The following INSYN2B variants were observed in gnomAD, a reference collection of about 807,000 sequenced individuals.
INSYN2B encodes the protein inhibitory synaptic factor family member 2B.
A neutral mutation model predicts 41.2 loss-of-function variants in INSYN2B; 16 were observed. The ratio of observed to expected loss-of-function variants is 0.39; its 90% CI spans 0.26 to 0.59. The LOEUF (loss-of-function observed/expected upper bound fraction) is 0.59. Among genes scored for constraint, INSYN2B ranks in the 20% least tolerant of loss-of-function variants. The pLI is 0.57. For missense variants in INSYN2B, 608 were observed against 646.4 expected, an observed-to-expected ratio of 0.94 and a Z score of 0.64; for synonymous variants, 245 against 244.4, an observed-to-expected ratio of 1.00 and a Z score of -0.02.
chr5:169,901,958 A>G (rs1386238736), intron 1 of INSYN2B, among the ~76,000 whole-genome samples: 1 of 152,204 alleles, frequency 6.6e-6, no homozygotes, highest in African/African-American at 2.4e-5. Flanking sequence ...AGTTTGGAGC[A>G]TGAGTGGTGT....
chr5:169,954,528 G>A (rs1167066071), intron 1 of INSYN2B, among the ~76,000 whole-genome samples: 1 of 152,226 alleles, frequency 6.6e-6, no homozygotes, highest in Non-Finnish European at 1.5e-5. Context: ...TGAAGCTGTG[G>A]TTCAGCAGAA....
intron 1 of INSYN2B, among the ~76,000 whole-genome samples, chr5:169,914,863 A>G (rs923923538): frequency 6.6e-6 from 1 of 152,244 alleles, no homozygotes; most frequent in Admixed American, 6.5e-5. Context: ...TAAATGATCT[A>G]CAAAGTCCCT....
At chr5:169,871,188 G>A (rs1771945850) in intron 3 of INSYN2B, among the ~76,000 whole-genome samples, 1 of 152,148 alleles carries the variant, frequency 6.6e-6, no homozygotes, top group Non-Finnish European at 1.5e-5. Flanking sequence ...ATCTGAATTT[G>A]AAGGGTACAC....
At chr5:169,865,766 A>G (rs1194154289) in intron 3 of INSYN2B, among the ~76,000 whole-genome samples, 2 of 152,220 alleles carry the variant, frequency 1.3e-5, no homozygotes, top group African/African-American at 2.4e-5. Flanking sequence ...GAAATGTTGC[A>G]TCTGGGAGAC....
chr5:169,969,300 C>A (rs1443863126), intron 1 of INSYN2B, among the ~76,000 whole-genome samples: 1 of 151,956 alleles, frequency 6.6e-6, no homozygotes, highest in East Asian at 1.9e-4. Flanking sequence ...CAAAAATTAG[C>A]TGGGTGTGGT....
At chr5:169,895,287 C>G (rs571180261) in intron 1 of INSYN2B, among the ~76,000 whole-genome samples, 1 of 152,320 alleles carries the variant, frequency 6.6e-6, no homozygotes, top group South Asian at 2.1e-4. Flanking sequence ...CCCTTCCTTT[C>G]TCTCCCTCCT....
rs1181405235 is a variant in INSYN2B, at chr5:169,936,567, T to C, written c.-919+43710A>G. Among the ~76,000 whole-genome samples the C allele has an allele frequency of 2.0e-5, 3 of 149,830 alleles. No homozygotes were observed. In the East Asian group the frequency reaches 5.9e-4, roughly 29 times the overall value. On this transcript the variant is annotated intron_variant, in intron 1 of 3. Coordinates refer to ENST00000377365, the MANE Select transcript of INSYN2B (RefSeq NM_001129891.3). ...GCATGTTGGGGAGAATCATTGGTGA[T>C]TCTCAGACTCCTTTTTTTTTTTTTT...
intron 1 of INSYN2B, among the ~76,000 whole-genome samples, chr5:169,946,447 G>A (rs564665146): frequency 3.7e-4 from 56 of 152,356 alleles, no homozygotes; most frequent in Middle Eastern, 3.4e-3. Flanking sequence ...TGGGAGGAAA[G>A]GGCAGGAGTG....
At chr5:169,901,432 T>G (rs1034052479) in intron 1 of INSYN2B, among the ~76,000 whole-genome samples, 11 of 152,110 alleles carry the variant, frequency 7.2e-5, no homozygotes, top group African/African-American at 1.9e-4. Flanking sequence ...TGTGTGTGTG[T>G]GGGCATGCAT....
chr5:169,955,218 G>T (rs1453537607), intron 1 of INSYN2B, among the ~76,000 whole-genome samples: 1 of 152,208 alleles, frequency 6.6e-6, no homozygotes, highest in Non-Finnish European at 1.5e-5. Flanking sequence ...GAGTGGTCCT[G>T]CAGGAGAAGG....
chr5:169,884,000 A>G lies in INSYN2B; in HGVS notation c.-102T>C. 4 of 1,176,934 alleles carry G rather than the reference A, an allele frequency of 3.4e-6. No homozygotes were observed. Among genetic ancestry groups the G allele is most frequent in the Non-Finnish European group, 4.5e-6 (4 of 882,242 alleles). 72.9% of individuals were successfully genotyped at this position (1,176,934 alleles called of 1,614,324 possible). On this transcript the variant is annotated 5_prime_UTR_variant, in exon 2 of 4. Coordinates refer to ENST00000377365, the MANE Select transcript of INSYN2B (RefSeq NM_001129891.3). ...AATGATAGTATTTCAATCATAGAGA[A>G]CTGCTGGCCAGGATGGAGTGGTCCT...
intron 1 of INSYN2B, among the ~76,000 whole-genome samples, chr5:169,934,166 G>C (rs956972983): frequency 2.0e-5 from 3 of 152,174 alleles, no homozygotes; most frequent in African/African-American, 7.2e-5. Flanking sequence ...GGGGTTGGCA[G>C]TAATCAGGTA....
chr5:169,902,958 T>C lies in INSYN2B; in HGVS notation c.-918-18142A>G, dbSNP rs554014316. Among the ~76,000 whole-genome samples the C allele has an allele frequency of 1.3e-4, 20 of 151,994 alleles. No homozygotes were observed. In the South Asian group the frequency reaches 2.9e-3, roughly 22 times the overall value. On this transcript the variant is annotated intron_variant, in intron 1 of 3. Coordinates refer to ENST00000377365, the MANE Select transcript of INSYN2B (RefSeq NM_001129891.3). ...ACTAAAAATACAAAAATTAGCTGGG[T>C]GTGGTGGCACATGCCTGTAGTCCCA... is the stretch of plus-strand genomic sequence containing the variant.
At position 169,883,611 on chromosome 5, in the gene INSYN2B, T is replaced by C; in HGVS notation, c.288A>G (p.Ala96=). The C allele has an allele frequency of 6.4e-7, 1 of 1,551,620 alleles. No individual in the cohort carries two copies. Among genetic ancestry groups the C allele is most frequent in the Non-Finnish European group, 8.7e-7 (1 of 1,146,954 alleles). The part of the protein sequence containing the change: ...SQKAGGFRNI[A]IQTSPSLRKH... The stretch of plus-strand genomic sequence containing the variant: ...TCCTGAGACTGGGGGAAGTTTGGAT[T>C]GCAATGTTGCGAAAGCCCCCTGCCT... Residue 96 remains alanine, a synonymous_variant, in exon 2 of 4, where the codon GCA becomes GCG. Transcript: ENST00000377365.
At chr5:169,948,863 C>A (rs1776549110) in intron 1 of INSYN2B, among the ~76,000 whole-genome samples, 1 of 152,034 alleles carries the variant, frequency 6.6e-6, no homozygotes, top group Non-Finnish European at 1.5e-5. Flanking sequence ...CAGTGACTGG[C>A]ACCTGGTCAT....
chr5:169,952,778 C>G (rs1370440347), intron 1 of INSYN2B, among the ~76,000 whole-genome samples: 3 of 152,110 alleles, frequency 2.0e-5, no homozygotes, highest in Admixed American at 6.5e-5. Context: ...CCGTTTCAAT[C>G]CAGGGTACAG....
At chr5:169,934,150 C>A (rs1330192312) in intron 1 of INSYN2B, among the ~76,000 whole-genome samples, 1 of 152,110 alleles carries the variant, frequency 6.6e-6, no homozygotes, top group Non-Finnish European at 1.5e-5. Flanking sequence ...TGAGTGTTCC[C>A]AATTAGGGGT....
chr5:169,875,585 G>A lies in INSYN2B; in HGVS notation c.1421+5783C>T, dbSNP rs555430856. On this transcript the variant is annotated intron_variant, in intron 3 of 3. Transcript: ENST00000377365. ...TCCAGAATAATTGTGCAAGTGCCTC[G>A]CCTCTCTCAGCTTCAATTGCCTAAT... The A allele has an allele frequency of 4.8e-5, 11 of 230,760 alleles. No homozygotes were observed. In the South Asian group the frequency reaches 4.8e-4, roughly 10 times the overall value. 14.3% of individuals were successfully genotyped at this position (230,760 alleles called of 1,614,324 possible). A position where few individuals can be genotyped will look rare whatever the true frequency, so the allele number is the denominator to read the frequency against.
chr5:169,918,691 T>A (rs1775012090), intron 1 of INSYN2B, among the ~76,000 whole-genome samples: 1 of 152,182 alleles, frequency 6.6e-6, no homozygotes, highest in Non-Finnish European at 1.5e-5. Context: ...GGCGAGAGGA[T>A]CACCTGAGTT....
Sources: allele counts gnomAD v4.1 joint callset (sites outside exome capture counted in the v4.1 genomes callset), GRCh38; gene constraint gnomAD v4.1.1; transcripts MANE v1.5; gene names NCBI Gene and HGNC (gene_info 2026-07-23, HGNC 2026-07-21).